The following ZBTB20 variants were observed in gnomAD, a reference collection of about 807,000 sequenced individuals.
The protein encoded by ZBTB20 is zinc finger and BTB domain-containing protein 20.
ZBTB20 carries 9 observed loss-of-function variants against 56.9 expected under a neutral mutation model. The ratio of observed to expected loss-of-function variants is 0.16; its 90% CI spans 0.10 to 0.28. The LOEUF (loss-of-function observed/expected upper bound fraction) is 0.28. ZBTB20 is among the 10% of genes least tolerant of loss of function. The probability of loss-of-function intolerance (pLI) is 1.00; values close to 1 mark genes in which losing one functional copy is unlikely to be tolerated. For missense variants in ZBTB20, 655 were observed against 1,003.0 expected (o/e 0.65, Z 4.69); for synonymous variants, 417 against 420.7 (o/e 0.99, Z 0.11).
At chr3:115,115,968 C>A (rs1253019129) in intron 1 of ZBTB20, among the ~76,000 whole-genome samples, 2 of 152,004 alleles carry the variant, frequency 1.3e-5, no homozygotes, top group African/African-American at 4.8e-5. Flanking sequence ...ATTGCTAAAT[C>A]ATCATTGTTC....
At chr3:114,666,450 G>C (rs1304274317) in intron 6 of ZBTB20, among the ~76,000 whole-genome samples, 2 of 151,998 alleles carry the variant, frequency 1.3e-5, no homozygotes, top group Non-Finnish European at 2.9e-5. Flanking sequence ...GGCAACAAAG[G>C]AGATTAGCTA....
intron 3 of ZBTB20, among the ~76,000 whole-genome samples, chr3:114,962,127 A>G (rs958255409): frequency 6.6e-6 from 1 of 152,108 alleles, no homozygotes; most frequent in Non-Finnish European, 1.5e-5. Context: ...AAATGAATAC[A>G]TGCTCCAGGC....
chr3:114,619,232 G>A (rs906195073), intron 6 of ZBTB20, among the ~76,000 whole-genome samples: 8 of 152,144 alleles, frequency 5.3e-5, no homozygotes, highest in African/African-American at 1.9e-4. Context: ...CATTTCTATG[G>A]AGAGTTAACT....
chr3:114,923,855 C>A (rs1453712047), intron 3 of ZBTB20, among the ~76,000 whole-genome samples: 1 of 151,814 alleles, frequency 6.6e-6, no homozygotes. Context: ...AGAACTCACA[C>A]AACTCAATGG....
At chr3:114,880,332 A>G (rs1172192744) in intron 4 of ZBTB20, among the ~76,000 whole-genome samples, 1 of 152,258 alleles carries the variant, frequency 6.6e-6, no homozygotes, top group South Asian at 2.1e-4. Flanking sequence ...AACATCTCTT[A>G]GACAAAAACA....
chr3:114,955,602 C>T (rs1243777501), intron 3 of ZBTB20, among the ~76,000 whole-genome samples: 1 of 152,122 alleles, frequency 6.6e-6, no homozygotes, highest in African/African-American at 2.4e-5. Flanking sequence ...AAATCATCCA[C>T]AGAGATGTCT....
rs145410313 is a variant in ZBTB20 at position 114,722,198 on chromosome 3, G to A, written c.-342-28623C>T. On this transcript the variant is annotated intron_variant, in intron 5 of 11. Coordinates refer to ENST00000675478, the MANE Select transcript of ZBTB20 (RefSeq NM_001348800.3). ...AAATATTGGTTCATATCCTGGCTCA[G>A]GGCCCTTTCTAACTACATGACATAC... Among the ~76,000 whole-genome samples the A allele has an allele frequency of 3.3e-4, 51 of 152,266 alleles. No individual in the cohort carries two copies. In the East Asian group the frequency reaches 8.5e-3, roughly 25 times the overall value.
At chr3:115,047,328 G>A (rs890839452) in intron 2 of ZBTB20, among the ~76,000 whole-genome samples, 2 of 152,106 alleles carry the variant, frequency 1.3e-5, no homozygotes, top group African/African-American at 4.8e-5. Context: ...TTTGAGAAAA[G>A]ACAACATACT....
intron 4 of ZBTB20, among the ~76,000 whole-genome samples, chr3:114,865,692 C>A (rs1310957552): frequency 6.6e-6 from 1 of 152,130 alleles, no homozygotes; most frequent in Non-Finnish European, 1.5e-5. Flanking sequence ...ATTTTTAGTG[C>A]TTCACTAGAT....
chr3:115,053,373 C>T (rs530740586), intron 2 of ZBTB20, among the ~76,000 whole-genome samples: 5 of 152,158 alleles, frequency 3.3e-5, no homozygotes, highest in African/African-American at 1.2e-4. Flanking sequence ...TAGGTCAAAG[C>T]TATGTATTTT....
At chr3:114,923,535 C>G (rs1483202600) in intron 3 of ZBTB20, among the ~76,000 whole-genome samples, 1 of 152,126 alleles carries the variant, frequency 6.6e-6, no homozygotes, top group African/African-American at 2.4e-5. Flanking sequence ...AAGAATAAGA[C>G]TGGATCCTTG....
chr3:115,042,595 T>C (rs2108396765), intron 2 of ZBTB20, among the ~76,000 whole-genome samples: 1 of 152,338 alleles, frequency 6.6e-6, no homozygotes, highest in East Asian at 1.9e-4. Flanking sequence ...CCCCACCCTT[T>C]TCACCAACTG....
chr3:114,769,183 A>G (rs916095472), intron 5 of ZBTB20, among the ~76,000 whole-genome samples: 3 of 152,160 alleles, frequency 2.0e-5, no homozygotes, highest in African/African-American at 7.2e-5. Context: ...ATTTTGTTAG[A>G]AAAATAATAC....
rs6148023 is a variant in ZBTB20, at chr3:114,769,552, CATATATATATATATATATATATATATAT to C, written c.-343+31521_-343+31548del. On this transcript the variant is annotated intron_variant, in intron 5 of 11. Coordinates refer to ENST00000675478, the MANE Select transcript of ZBTB20 (RefSeq NM_001348800.3). ...CTTTGTTTTACTGTGTGCCAAAATGCATATATATATATATATATATATATATATATATATATATATATATAATGGAATA... is the reference window on the plus strand; with the variant it reads ...CTTTGTTTTACTGTGTGCCAAAATGCATATATATATATATATAATGGAATA... Among the ~76,000 whole-genome samples the C allele has an allele frequency of 8.6e-4, 100 of 116,738 alleles. 2 individuals carry two copies. The highest frequency in any genetic ancestry group is 1.7e-3 in the African/African-American group (37 of 22,258). 76.6% of individuals were successfully genotyped at this position (116,738 alleles called of 152,430 possible). A position where few individuals can be genotyped will look rare whatever the true frequency, so the allele number is the denominator to read the frequency against.
chr3:114,787,126 C>A (rs1039280705), intron 5 of ZBTB20, among the ~76,000 whole-genome samples: 7 of 151,770 alleles, frequency 4.6e-5, no homozygotes, highest in African/African-American at 1.7e-4. Flanking sequence ...AGGTGCACAT[C>A]ACCATGCCTA....
chr3:114,501,590 C>T (rs1191856595), intron 6 of ZBTB20, among the ~76,000 whole-genome samples: 1 of 141,050 alleles, frequency 7.1e-6, no homozygotes, highest in African/African-American at 2.7e-5. Context: ...CACGCCACTG[C>T]ACTCCAGCCT....
At chr3:114,663,057 G>T (rs1325751561) in intron 6 of ZBTB20, among the ~76,000 whole-genome samples, 3 of 150,154 alleles carry the variant, frequency 2.0e-5, no homozygotes, top group Non-Finnish European at 4.4e-5. Context: ...GATACTCCTC[G>T]AGAAGAGCAA....
intron 4 of ZBTB20, among the ~76,000 whole-genome samples, chr3:114,846,614 G>A (rs2074718814): frequency 6.6e-6 from 1 of 152,134 alleles, no homozygotes; most frequent in African/African-American, 2.4e-5. Flanking sequence ...AAGAGGATAT[G>A]GATCCAACAG....
intron 6 of ZBTB20, among the ~76,000 whole-genome samples, chr3:114,612,903 T>C (rs532486567): frequency 2.0e-4 from 31 of 152,348 alleles, no homozygotes; most frequent in African/African-American, 6.0e-4. Flanking sequence ...ATATCAGCTT[T>C]TACTCATTTG....
Sources: gnomAD v4.1 joint callset for allele counts (sites outside exome capture counted in the v4.1 genomes callset) on GRCh38, gnomAD v4.1.1 for gene constraint, MANE v1.5 for transcripts, NCBI Gene and HGNC (gene_info 2026-07-23, HGNC 2026-07-21) for gene names.